The following KIAA1217 variants were observed in gnomAD, a reference collection of about 807,000 sequenced individuals.
KIAA1217 encodes sickle tail protein homolog.
Under a neutral mutation model 163.9 loss-of-function variants are expected in KIAA1217, and 88 were observed. The observed-to-expected ratio is 0.54, with a 90% CI of 0.45 to 0.64. The LOEUF (loss-of-function observed/expected upper bound fraction) is 0.64. KIAA1217 is among the 30% of genes least tolerant of loss of function. The pLI, the probability that KIAA1217 is intolerant of heterozygous loss-of-function variation, is 0.00. For missense variants in KIAA1217, 2,372 were observed against 2,475.0 expected (o/e 0.96, Z 0.88); for synonymous variants, 903 against 923.1 (o/e 0.98, Z 0.39).
At chr10:24,389,102 G>A (rs1449645456) in intron 3 of KIAA1217, among the ~76,000 whole-genome samples, 3 of 151,672 alleles carry the variant, frequency 2.0e-5, no homozygotes, top group South Asian at 2.1e-4. Context: ...ACACACACAC[G>A]TACGTTTATT....
At chr10:24,266,930 A>G (rs1314131487) in intron 2 of KIAA1217, among the ~76,000 whole-genome samples, 3 of 152,082 alleles carry the variant, frequency 2.0e-5, no homozygotes, top group Non-Finnish European at 4.4e-5. Context: ...AAGCTGTAAC[A>G]CTCAGGACTG....
chr10:24,462,374 T>C (rs1368939942), intron 5 of KIAA1217, among the ~76,000 whole-genome samples: 2 of 152,176 alleles, frequency 1.3e-5, no homozygotes, highest in African/African-American at 4.8e-5. Context: ...CTCAACAGAC[T>C]TGTTCATGTT....
At chr10:24,040,457 T>A (rs1848584378) in intron 2 of KIAA1217, among the ~76,000 whole-genome samples, 1 of 152,242 alleles carries the variant, frequency 6.6e-6, no homozygotes, top group Non-Finnish European at 1.5e-5. Context: ...AGAAAGCAAT[T>A]GTTCTTGGGC....
At chr10:23,764,931 G>T (rs901934449) in intron 1 of KIAA1217, among the ~76,000 whole-genome samples, 5 of 152,116 alleles carry the variant, frequency 3.3e-5, no homozygotes, top group African/African-American at 1.2e-4. Flanking sequence ...ATTCTCGTCT[G>T]TATTAGTCTG....
chr10:24,024,239 T>G (rs1847852713), intron 2 of KIAA1217, among the ~76,000 whole-genome samples: 1 of 151,636 alleles, frequency 6.6e-6, no homozygotes, highest in East Asian at 1.9e-4. Context: ...ACCAGCATAA[T>G]GATGATATAA....
intron 2 of KIAA1217, among the ~76,000 whole-genome samples, chr10:24,022,040 A>C (rs893456985): frequency 6.6e-6 from 1 of 151,752 alleles, no homozygotes; most frequent in Non-Finnish European, 1.5e-5. Context: ...ATCTTAAAAG[A>C]TTAAAATTAT....
chr10:23,923,597 G>A (rs1373642122), intron 1 of KIAA1217, among the ~76,000 whole-genome samples: 2 of 152,010 alleles, frequency 1.3e-5, no homozygotes, highest in Non-Finnish European at 2.9e-5. Context: ...AGCAGAGATG[G>A]AGAGATGTGT....
intron 2 of KIAA1217, among the ~76,000 whole-genome samples, chr10:24,083,645 A>G (rs148023699): frequency 6.6e-6 from 1 of 152,334 alleles, no homozygotes; most frequent in African/African-American, 2.4e-5. Context: ...ACACATTTCT[A>G]AATATGTTTT....
intron 1 of KIAA1217, among the ~76,000 whole-genome samples, chr10:23,983,610 C>T (rs1295661280): frequency 6.6e-6 from 1 of 152,158 alleles, no homozygotes; most frequent in Non-Finnish European, 1.5e-5. Flanking sequence ...ACTCCGCCCC[C>T]ACAACCCAGT....
intron 5 of KIAA1217, among the ~76,000 whole-genome samples, chr10:24,457,468 A>G (rs1429820407): frequency 6.6e-6 from 1 of 151,974 alleles, no homozygotes; most frequent in Non-Finnish European, 1.5e-5. Flanking sequence ...GTATAATCAT[A>G]GCTCACTGCA....
At chr10:23,810,554 A>G (rs1366206603) in intron 1 of KIAA1217, among the ~76,000 whole-genome samples, 1 of 134,952 alleles carries the variant, frequency 7.4e-6, no homozygotes, top group Non-Finnish European at 1.5e-5. Flanking sequence ...TAATCTATAT[A>G]TAGTATATAT....
chr10:24,019,136 G>A (rs1276626814), intron 2 of KIAA1217, among the ~76,000 whole-genome samples: 10 of 152,002 alleles, frequency 6.6e-5, no homozygotes. Context: ...ACAGCATGAT[G>A]ACTATAATTA....
intron 2 of KIAA1217, among the ~76,000 whole-genome samples, chr10:24,063,406 C>T (rs185790576): frequency 0.014 from 2,181 of 152,242 alleles, 53 homozygotes; most frequent in African/African-American, 0.05. Flanking sequence ...AATCCTTTCC[C>T]CATTTCTTCT....
intron 2 of KIAA1217, among the ~76,000 whole-genome samples, chr10:24,196,136 AACACACACAC>A (rs66954103): frequency 2.1e-5 from 3 of 144,232 alleles, no homozygotes; most frequent in Non-Finnish European, 3.0e-5. Flanking sequence ...CCTGTCTCAA[AACACACACAC>A]ACACACACAC....
intron 2 of KIAA1217, among the ~76,000 whole-genome samples, chr10:24,118,712 T>C (rs1173620622): frequency 6.6e-6 from 1 of 152,020 alleles, no homozygotes; most frequent in African/African-American, 2.4e-5. Flanking sequence ...TTTGCTTTTT[T>C]TTTTTTAAAG....
At chr10:23,774,124 G>T (rs1432592598) in intron 1 of KIAA1217, among the ~76,000 whole-genome samples, 2 of 152,232 alleles carry the variant, frequency 1.3e-5, no homozygotes, top group Admixed American at 1.3e-4. Context: ...ATTATTTTGA[G>T]ATATGTCCCA....
At chr10:24,479,536 A>T (rs1443223466) in intron 6 of KIAA1217, among the ~76,000 whole-genome samples, 1 of 152,036 alleles carries the variant, frequency 6.6e-6, no homozygotes, top group Non-Finnish European at 1.5e-5. Context: ...TAACCTCTGT[A>T]CTGTTGTCAG....
At chr10:24,280,711 G>A (rs1025509713) in intron 2 of KIAA1217, among the ~76,000 whole-genome samples, 1 of 151,080 alleles carries the variant, frequency 6.6e-6, no homozygotes, top group Non-Finnish European at 1.5e-5. Flanking sequence ...TCAGGAGGCT[G>A]AAGCAGGAGA....
intron 1 of KIAA1217, among the ~76,000 whole-genome samples, chr10:23,813,442 C>G (rs905200552): frequency 6.6e-6 from 1 of 151,732 alleles, no homozygotes. Context: ...TTTTCTTTCT[C>G]TCTGTAATTA....
Sources: allele counts gnomAD v4.1 joint callset (sites outside exome capture counted in the v4.1 genomes callset), GRCh38; gene constraint gnomAD v4.1.1; transcripts MANE v1.5; gene names NCBI Gene and HGNC (gene_info 2026-07-23, HGNC 2026-07-21).